PDE3B: variants seen among roughly 807,000 people sequenced by gnomAD.
PDE3B encodes the protein phosphodiesterase 3B.
In PDE3B, 66 loss-of-function variants were observed where a neutral mutation model predicts 116.8. The ratio of observed to expected loss-of-function variants is 0.56; its 90% confidence interval spans 0.46 to 0.69. The LOEUF is 0.69. Ranked by LOEUF, PDE3B falls within the 30% of genes least tolerant of loss-of-function variation. The probability of loss-of-function intolerance (pLI) is 0.00; values close to 1 mark genes in which losing one functional copy is unlikely to be tolerated. For missense variants in PDE3B, 1,384 were observed against 1,368.1 expected, an observed-to-expected ratio of 1.01 and a Z score of -0.18; for synonymous variants, 595 against 533.6, an observed-to-expected ratio of 1.12 and a Z score of -1.59.
chr11:14,661,080 A>C (rs1382778422), intron 1 of PDE3B, among the ~76,000 whole-genome samples: 1 of 152,242 alleles, frequency 6.6e-6, no homozygotes, highest in East Asian at 1.9e-4. Context: ...TGGGACTATA[A>C]GTAGTTCAAC....
intron 1 of PDE3B, among the ~76,000 whole-genome samples, chr11:14,660,200 G>A (rs1853849658): frequency 6.6e-6 from 1 of 152,070 alleles, no homozygotes; most frequent in South Asian, 2.1e-4. Context: ...TAAGGGAGGG[G>A]AATATCCCCA....
chr11:14,781,899 A>T lies in PDE3B; in HGVS notation c.1030-4538A>T, dbSNP rs139897719. ...CCCTGTTTGCAGATGACATGATTGT[A>T]TATCTAGAAAACCCCATCATGTCAG... is the stretch of plus-strand genomic sequence containing the variant. On this transcript the variant is annotated intron_variant, in intron 2 of 15. Transcript: ENST00000282096. Among the ~76,000 whole-genome samples the T allele has an allele frequency of 2.7e-4, 41 of 152,306 alleles. 1 individual carries two copies. The highest frequency in any genetic ancestry group is 4.9e-4 in the Non-Finnish European group (33 of 68,028).
intron 5 of PDE3B, among the ~76,000 whole-genome samples, chr11:14,804,400 T>A (rs957216801): frequency 2.0e-5 from 3 of 151,352 alleles, no homozygotes; most frequent in African/African-American, 4.9e-5. Context: ...GAGAAAAAAA[T>A]TTTAGGATTA....
intron 4 of PDE3B, among the ~76,000 whole-genome samples, chr11:14,791,806 A>ATT (rs936061044): frequency 2.6e-5 from 4 of 152,096 alleles, no homozygotes; most frequent in Non-Finnish European, 5.9e-5. Context: ...ACAAAAATCC[A>ATT]TGGATGCTTG....
chr11:14,663,358 C>G (rs1854003544), intron 1 of PDE3B, among the ~76,000 whole-genome samples: 1 of 152,192 alleles, frequency 6.6e-6, no homozygotes, highest in South Asian at 2.1e-4. Flanking sequence ...AAAATCATGC[C>G]AAATTGTAAA....
chr11:14,836,219 G>A (rs1860048782), intron 11 of PDE3B, among the ~76,000 whole-genome samples: 3 of 152,032 alleles, frequency 2.0e-5, no homozygotes. Context: ...TTTTGTCTTA[G>A]AAGAATATAT....
rs1855996869 is a variant in PDE3B, at chr11:14,718,701, T to A, written c.979-53236T>A. Among the ~76,000 whole-genome samples, 13 of 150,358 alleles carry A rather than the reference T, an allele frequency of 8.6e-5. No individual in the cohort carries two copies. In the South Asian group the frequency reaches 2.8e-3, roughly 32 times the overall value. On this transcript the variant is annotated intron_variant, in intron 1 of 15. Transcript: ENST00000282096. Reference sequence around the variant, plus strand: ...GTACATAATGAAATGAAGGCAGAAATAAAGATGTTCTTTGAAACCAACGAG... The same window carrying A: ...GTACATAATGAAATGAAGGCAGAAAAAAAGATGTTCTTTGAAACCAACGAG...
intron 1 of PDE3B, among the ~76,000 whole-genome samples, chr11:14,715,988 C>G (rs1325006069): frequency 6.6e-6 from 1 of 152,218 alleles, no homozygotes; most frequent in African/African-American, 2.4e-5. Flanking sequence ...CAGGTGATTT[C>G]TGCATTTCCA....
At chr11:14,734,765 T>G (rs756198450) in intron 1 of PDE3B, among the ~76,000 whole-genome samples, 8 of 152,206 alleles carry the variant, frequency 5.3e-5, no homozygotes, top group Non-Finnish European at 7.3e-5. Flanking sequence ...ATTTAACAAT[T>G]AACATTTTGC....
intron 1 of PDE3B, among the ~76,000 whole-genome samples, chr11:14,666,595 C>A (rs1854161276): frequency 6.6e-6 from 1 of 150,916 alleles, no homozygotes; most frequent in South Asian, 2.1e-4. Context: ...AAGAAAAAAA[C>A]ACACAACCCC....
chr11:14,676,803 G>A (rs1209612844), intron 1 of PDE3B, among the ~76,000 whole-genome samples: 1 of 152,094 alleles, frequency 6.6e-6, no homozygotes, highest in Admixed American at 6.5e-5. Context: ...TTTTCCAAAT[G>A]TCTTTGGATA....
chr11:14,846,268 A>C (rs1847599333), intron 12 of PDE3B, among the ~76,000 whole-genome samples: 2 of 152,072 alleles, frequency 1.3e-5, no homozygotes, highest in Admixed American at 1.3e-4. Context: ...GAAATAAAAT[A>C]CTTTACAGAC....
downstream of PDE3B, among the ~76,000 whole-genome samples, chr11:14,876,493 A>G (rs1356837454): frequency 6.6e-6 from 1 of 152,186 alleles, no homozygotes; most frequent in Non-Finnish European, 1.5e-5. Flanking sequence ...CATATGTAGC[A>G]CATGTATTTT....
At chr11:14,722,552 AT>A (rs1856151227) in intron 1 of PDE3B, among the ~76,000 whole-genome samples, 1 of 152,220 alleles carries the variant, frequency 6.6e-6, no homozygotes, top group Non-Finnish European at 1.5e-5. Flanking sequence ...TTTAATAGCA[AT>A]TTTACAAATA....
chr11:14,786,734 T>C (rs1395980850), intron 3 of PDE3B, 49 bp downstream of exon 3: 1 of 1,445,062 alleles, frequency 6.9e-7, no homozygotes, highest in East Asian at 2.3e-5. Context: ...TTAATGATAT[T>C]TTCAAATTAA....
chr11:14,891,873 G>T, the PDE3B span: 1 of 1,429,606 alleles, frequency 7.0e-7, no homozygotes, highest in South Asian at 1.4e-5. Context: ...CACACGGAGA[G>T]GTCCCGACTA....
intron 1 of PDE3B, among the ~76,000 whole-genome samples, chr11:14,727,635 ACT>A (rs1182488535): frequency 9.9e-5 from 15 of 152,184 alleles, no homozygotes; most frequent in South Asian, 2.1e-4. Context: ...ATTATTGGTA[ACT>A]CTATTATTTT....
intron 1 of PDE3B, among the ~76,000 whole-genome samples, chr11:14,696,161 C>CCAG (rs1352376118): frequency 6.6e-5 from 10 of 152,146 alleles, no homozygotes; most frequent in Non-Finnish European, 4.4e-5. Context: ...CACAACCTTG[C>CCAG]CAGCATTTGT....
In PDE3B at chr11:14,871,338, T is replaced by G. The variant is rs1023881184; in HGVS notation, c.*1678T>G. 6.6e-6 allele frequency: 1 copy of G among 152,194 alleles called. No homozygotes were observed. Among genetic ancestry groups the G allele is most frequent in the Non-Finnish European group, 1.5e-5 (1 of 68,018 alleles). 9.4% of individuals were successfully genotyped at this position (152,194 alleles called of 1,614,324 possible). On this transcript the variant is annotated 3_prime_UTR_variant, in exon 16 of 16. Transcript: ENST00000282096. ...ACTATGTGTAAACCAGTCCCACCACTTATTACTAATAAAATTTTGACTGAT... is the reference window on the plus strand; with the variant it reads ...ACTATGTGTAAACCAGTCCCACCACGTATTACTAATAAAATTTTGACTGAT...
Sources: allele counts gnomAD v4.1 joint callset (sites outside exome capture counted in the v4.1 genomes callset), GRCh38; gene constraint gnomAD v4.1.1; transcripts MANE v1.5; gene names NCBI Gene and HGNC (gene_info 2026-07-23, HGNC 2026-07-21).